The following NFAM1 variants were observed in gnomAD, a reference collection of about 807,000 sequenced individuals.
NFAM1 encodes NFAT activating protein with ITAM motif 1, also known as NFAT activation molecule 1.
NFAM1 carries 17 observed loss-of-function variants against 29.0 expected under a neutral mutation model. The observed-to-expected ratio is 0.59, with a 90% confidence interval of 0.40 to 0.88. NFAM1 has a LOEUF of 0.88. Among genes scored for constraint, NFAM1 ranks in the 40% least tolerant of loss-of-function variants. The probability of loss-of-function intolerance (pLI) is 0.00; values close to 1 mark genes in which losing one functional copy is unlikely to be tolerated. For missense variants in NFAM1, 324 were observed against 344.6 expected (o/e 0.94, Z 0.47); for synonymous variants, 175 against 147.2 (o/e 1.19, Z -1.36).
At chr22:42,411,334 G>T in intron 2 of NFAM1, 73 bp downstream of exon 2, 2 of 1,225,184 alleles carry the variant, frequency 1.6e-6, no homozygotes, top group South Asian at 2.7e-5. Context: ...CTCTATTTCC[G>T]ATCCAAAGTC....
At chr22:42,416,403 G>A in intron 1 of NFAM1, among the ~76,000 whole-genome samples, 1 of 152,186 alleles carries the variant, frequency 6.6e-6, no homozygotes, top group Admixed American at 6.5e-5. Context: ...TGGCTGTGTT[G>A]AGGAAGAAGA....
upstream of NFAM1, among the ~76,000 whole-genome samples, chr22:42,434,091 G>A (rs1295260653): frequency 1.3e-5 from 2 of 152,040 alleles, no homozygotes; most frequent in East Asian, 1.9e-4. Context: ...AGCCTGTCAC[G>A]GTGCCCCCCA....
At chr22:42,423,327 G>A (rs1292688394) in intron 1 of NFAM1, among the ~76,000 whole-genome samples, 1 of 152,078 alleles carries the variant, frequency 6.6e-6, no homozygotes, top group Non-Finnish European at 1.5e-5. Flanking sequence ...CAGCCTGGGA[G>A]GGGCAAGGGG....
chr22:42,412,162 G>A (rs2055418545), intron 1 of NFAM1, among the ~76,000 whole-genome samples: 1 of 152,036 alleles, frequency 6.6e-6, no homozygotes. Flanking sequence ...AACCTGGGAG[G>A]CTGAGGTTGC....
chr22:42,437,065 A>G, upstream of NFAM1: 1 of 722,532 alleles, frequency 1.4e-6, no homozygotes, highest in East Asian at 1.3e-4. Context: ...CAACTCCCCA[A>G]CCCCGCCACA....
chr22:42,408,099 G>A (rs1359928656), intron 3 of NFAM1, among the ~76,000 whole-genome samples: 1 of 151,880 alleles, frequency 6.6e-6, no homozygotes, highest in East Asian at 1.9e-4. Context: ...TTGCCATGTT[G>A]GCCAGGCTGG....
intron 1 of NFAM1, among the ~76,000 whole-genome samples, chr22:42,418,073 A>AGT (rs1484848502): frequency 6.6e-6 from 1 of 152,210 alleles, no homozygotes; most frequent in Admixed American, 6.5e-5. Flanking sequence ...GCTCCAGGGA[A>AGT]GTCCCTCCCA....
chr22:42,407,081 CTTTTT>C (rs1177618694), intron 3 of NFAM1, among the ~76,000 whole-genome samples: 5 of 118,962 alleles, frequency 4.2e-5, no homozygotes, highest in South Asian at 5.6e-4. Context: ...GGACCTTCCT[CTTTTT>C]TTTTTTTTTT....
chr22:42,403,722 G>C (rs1929801659), intron 3 of NFAM1, among the ~76,000 whole-genome samples: 2 of 152,242 alleles, frequency 1.3e-5, no homozygotes, highest in Admixed American at 1.3e-4. Flanking sequence ...TGTGCTAGAG[G>C]CTGGGGCTTG....
chr22:42,430,319 G>A (rs1243120716), intron 1 of NFAM1, among the ~76,000 whole-genome samples: 3 of 152,124 alleles, frequency 2.0e-5, no homozygotes, highest in South Asian at 2.1e-4. Context: ...CAGCACTTTG[G>A]GAGGCTGAGG....
rs1469771800 is a variant in NFAM1 at position 42,409,572 on chromosome 22, AG to A, written c.452-26del. On this transcript the variant is annotated intron_variant, in intron 2 of 5. Coordinates refer to ENST00000329021, the MANE Select transcript of NFAM1 (RefSeq NM_145912.8). The surrounding 1 kb of genome is among the most constrained non-coding windows in gnomAD (Gnocchi z 4.9). ...TCTAGGAGGAAGCGCAGGGGAGCAG[AG>A]GGGTCAGTGACCCAGGAGAAAGCGG... 1 of 1,249,944 alleles carries A rather than the reference AG, an allele frequency of 8.0e-7. No homozygotes were observed. The highest frequency in any genetic ancestry group is 1.1e-6 in the Non-Finnish European group (1 of 911,502). The allele number at this position is 1,249,944 out of a possible 1,614,324, so 77.4% of individuals were successfully genotyped here.
rs199515192 is a variant in NFAM1, at chr22:42,409,431, G to A, written c.564+4C>T. The A allele has an allele frequency of 2.3e-5, 33 of 1,443,754 alleles. 1 individual carries two copies. Among genetic ancestry groups the A allele is most frequent in the East Asian group, 2.1e-4 (8 of 38,944 alleles). 89.4% of individuals were successfully genotyped at this position (1,443,754 alleles called of 1,614,324 possible). A position where few individuals can be genotyped will look rare whatever the true frequency, so the allele number is the denominator to read the frequency against. ...CTGCATGGCTGTGAGCACTGATCCC[G>A]TACCTTGTTCCAGAGCAGCAGGGCC... On this transcript the variant is annotated splice_donor_region_variant and intron_variant, in intron 3 of 5. Transcript: ENST00000329021. The surrounding 1 kb of genome is among the most constrained non-coding windows in gnomAD (Gnocchi z 4.9).
At chr22:42,432,009 G>C (rs1489023624) in intron 1 of NFAM1, among the ~76,000 whole-genome samples, 1 of 152,154 alleles carries the variant, frequency 6.6e-6, no homozygotes, top group Non-Finnish European at 1.5e-5. Flanking sequence ...TCACAGCAGC[G>C]AGGGAGAGAG....
rs746420845 is a variant in NFAM1, at chr22:42,387,096, C to T, written c.664-18G>A. On this transcript the variant is annotated intron_variant, in intron 4 of 5. Transcript: ENST00000329021. The stretch of plus-strand genomic sequence containing the variant: ...TGCAGAGCCTACAGGAAACGGGGTG[C>T]CAGGATCAGGGGCAAGTGTGTAGAG... 60 of 1,501,830 alleles carry T rather than the reference C, an allele frequency of 4.0e-5. No homozygotes were observed. Among genetic ancestry groups the T allele is most frequent in the Non-Finnish European group, 5.1e-5 (56 of 1,097,774 alleles). 93.0% of individuals were successfully genotyped at this position (1,501,830 alleles called of 1,614,324 possible).
chr22:42,424,355 C>T (rs533866476), intron 1 of NFAM1, among the ~76,000 whole-genome samples: 2 of 151,794 alleles, frequency 1.3e-5, no homozygotes, highest in African/African-American at 2.4e-5. Context: ...GCAGAGCTTG[C>T]GATGAACCGA....
intron 3 of NFAM1, among the ~76,000 whole-genome samples, chr22:42,402,273 G>A (rs1332489461): frequency 1.3e-5 from 2 of 152,220 alleles, no homozygotes; most frequent in African/African-American, 4.8e-5. Flanking sequence ...TCTGGAGCAC[G>A]TGTGCTGGGA....
chr22:42,436,016 T>C (rs528239864), upstream of NFAM1, among the ~76,000 whole-genome samples: 9 of 150,732 alleles, frequency 6.0e-5, no homozygotes, highest in Non-Finnish European at 8.9e-5. Flanking sequence ...GATAGGGTTT[T>C]ACCATGTTGG....
chr22:42,427,134 C>T lies in NFAM1; in HGVS notation c.121+5103G>A, dbSNP rs144078934. 1.9e-3 allele frequency among the ~76,000 whole-genome samples: 296 copies of T among 151,988 alleles called. 9 individuals are homozygous for T. Among genetic ancestry groups the T allele is most frequent in the Admixed American group, 0.018 (276 of 15,282 alleles). On this transcript the variant is annotated intron_variant, in intron 1 of 5. Coordinates refer to ENST00000329021, the MANE Select transcript of NFAM1 (RefSeq NM_145912.8). Reference sequence around the variant, plus strand: ...CCCCTCCCTCTCACCAGGCTCACCCCGTCCCTTTCTCTGGTTTCAGCCCCA... The same window carrying T: ...CCCCTCCCTCTCACCAGGCTCACCCTGTCCCTTTCTCTGGTTTCAGCCCCA...
chr22:42,419,944 A>G lies in NFAM1; in HGVS notation c.122-8208T>C, dbSNP rs573249240. 2.1e-5 allele frequency among the ~76,000 whole-genome samples: 3 copies of G among 143,130 alleles called. No homozygotes were observed. The highest frequency in any genetic ancestry group is 2.3e-4 in the South Asian group (1 of 4,430). 93.9% of individuals were successfully genotyped at this position (143,130 alleles called of 152,430 possible). A position where few individuals can be genotyped will look rare whatever the true frequency, so the allele number is the denominator to read the frequency against. On this transcript the variant is annotated intron_variant, in intron 1 of 5. Coordinates refer to ENST00000329021, the MANE Select transcript of NFAM1 (RefSeq NM_145912.8). This position sits in a 1 kb window ranked among gnomAD's most constrained non-coding sequence, Gnocchi z 4.5. ...GTTTGCCCAAATTGCAGTGGTAGAC[A>G]TGGGATTTTAAGCTGGGTCCCTTTG...
Sources: allele counts gnomAD v4.1 joint callset (sites outside exome capture counted in the v4.1 genomes callset), GRCh38; gene constraint gnomAD v4.1.1; non-coding constraint Gnocchi (gnomAD v3.1); transcripts MANE v1.5; gene names NCBI Gene and HGNC (gene_info 2026-07-23, HGNC 2026-07-21).